Variants in RAB30 observed in about 807,000 individuals in gnomAD.
RAB30 encodes RAB30, member RAS oncogene family.
RAB30 carries 9 observed loss-of-function variants against 25.1 expected under a neutral mutation model. The observed-to-expected ratio is 0.36, with a 90% CI of 0.22 to 0.63. The LOEUF (loss-of-function observed/expected upper bound fraction) is 0.63. RAB30 is among the 20% of genes least tolerant of loss of function. RAB30 has a pLI of 0.69. For synonymous variants in RAB30, 77 were observed against 86.4 expected, an observed-to-expected ratio of 0.89 and a Z score of 0.60; for missense variants, 140 against 243.5, an observed-to-expected ratio of 0.58 and a Z score of 2.83.
At chr11:83,011,150 A>G (rs1455522099) in intron 1 of RAB30, among the ~76,000 whole-genome samples, 1 of 152,266 alleles carries the variant, frequency 6.6e-6, no homozygotes, top group Non-Finnish European at 1.5e-5. Context: ...TATGTACCAT[A>G]GACACATTTT....
intron 1 of RAB30, among the ~76,000 whole-genome samples, chr11:83,016,979 G>A (rs1857452966): frequency 6.6e-6 from 1 of 152,142 alleles, no homozygotes; most frequent in South Asian, 2.1e-4. Flanking sequence ...GGAGGATGGG[G>A]ACATGGAAAA....
At chr11:83,033,108 A>C (rs1857911455) in intron 1 of RAB30, among the ~76,000 whole-genome samples, 1 of 123,124 alleles carries the variant, frequency 8.1e-6, no homozygotes, top group Non-Finnish European at 1.6e-5. Context: ...TCTGTCACTC[A>C]GGCTGGAATG....
Position 82,982,025 on chromosome 11 carries a change from C to A in RAB30, c.*140G>T. On this transcript the variant is annotated 3_prime_UTR_variant, in exon 5 of 5. Transcript: ENST00000527633. ...CTGGCCTGTGGTCGAGGCCCTTGGC[C>A]TGCCATGCTTTGTAAGCTCAGGAGC... is the stretch of plus-strand genomic sequence containing the variant. The A allele has an allele frequency of 1.7e-6, 2 of 1,194,714 alleles. No individual in the cohort carries two copies. The highest frequency in any genetic ancestry group is 1.2e-6 in the Non-Finnish European group (1 of 847,328). The allele number at this position is 1,194,714 out of a possible 1,614,324, so 74.0% of individuals were successfully genotyped here. A position where few individuals can be genotyped will look rare whatever the true frequency, so the allele number is the denominator to read the frequency against.
At chr11:83,040,342 A>C (rs1858079413) in intron 1 of RAB30, among the ~76,000 whole-genome samples, 2 of 152,208 alleles carry the variant, frequency 1.3e-5, no homozygotes, top group Admixed American at 1.3e-4. Flanking sequence ...TAATCCCAGC[A>C]CTTTGGGAGG....
chr11:83,031,532 C>CT (rs71063251), intron 1 of RAB30, among the ~76,000 whole-genome samples: 91,688 of 143,602 alleles, frequency 0.64, 29,668 homozygotes, highest in East Asian at 0.8. Context: ...CTTTTTTTTT[C>CT]TTTTTTTTTT....
chr11:83,030,812 G>T (rs1284901484), intron 1 of RAB30, among the ~76,000 whole-genome samples: 1 of 148,888 alleles, frequency 6.7e-6, no homozygotes, highest in Non-Finnish European at 1.5e-5. Flanking sequence ...AAAAAAAAAA[G>T]TCTCTTTGCA....
intron 3 of RAB30, 137 bp downstream of exon 3, chr11:82,993,902 A>C: frequency 1.5e-6 from 1 of 646,480 alleles, no homozygotes; most frequent in Non-Finnish European, 2.6e-6. Flanking sequence ...AGAACTCTGG[A>C]AATAAGCCAT....
chr11:83,048,190 C>T (rs571448661), intron 1 of RAB30, among the ~76,000 whole-genome samples: 1 of 152,164 alleles, frequency 6.6e-6, no homozygotes, highest in Non-Finnish European at 1.5e-5. Context: ...GATATGCTGG[C>T]CTAGAAGGTT....
intron 1 of RAB30, among the ~76,000 whole-genome samples, chr11:83,047,900 T>C (rs1858267775): frequency 6.6e-6 from 1 of 152,208 alleles, no homozygotes; most frequent in Non-Finnish European, 1.5e-5. Flanking sequence ...GTCATACTGT[T>C]ACGTATAAAT....
intron 1 of RAB30, chr11:83,041,462 AG>A (rs1431490966): frequency 1.8e-5 from 3 of 166,018 alleles, no homozygotes; most frequent in East Asian, 2.2e-4. Context: ...TATATTAGAA[AG>A]GGCTGTCTCC....
intron 1 of RAB30, among the ~76,000 whole-genome samples, chr11:83,053,858 G>C (rs1590877351): frequency 1.3e-5 from 2 of 152,316 alleles, no homozygotes; most frequent in South Asian, 4.1e-4. Context: ...GGGAGGCCAA[G>C]GTGAGTGGAT....
rs951718904 is a variant in RAB30, at chr11:82,978,551, AAAG to A, written c.*3611_*3613del. 26 of 152,032 alleles carry A rather than the reference AAAG, an allele frequency of 1.7e-4. No homozygotes were observed. Among genetic ancestry groups the A allele is most frequent in the African/African-American group, 6.0e-4 (25 of 41,440 alleles). 9.4% of individuals were successfully genotyped at this position (152,032 alleles called of 1,614,324 possible). A position where few individuals can be genotyped will look rare whatever the true frequency, so the allele number is the denominator to read the frequency against. ...TATTTCATTCATGTGGCTTGGCTTAAAAGAAGATGTTTCACTTTAGTAGGAAGA... is the reference window on the plus strand; with the variant it reads ...TATTTCATTCATGTGGCTTGGCTTAAAAGATGTTTCACTTTAGTAGGAAGA... On this transcript the variant is annotated 3_prime_UTR_variant, in exon 5 of 5. Transcript: ENST00000527633.
chr11:82,987,865 T>A (rs2121441936), intron 3 of RAB30, 95 bp from the exon 4 acceptor site: 1 of 403,576 alleles, frequency 2.5e-6, no homozygotes, highest in Non-Finnish European at 3.9e-6. Flanking sequence ...TGAAAATGGG[T>A]ACACCTTTAC....
chr11:83,028,908 G>A (rs1195190986), intron 1 of RAB30, among the ~76,000 whole-genome samples: 1 of 152,124 alleles, frequency 6.6e-6, no homozygotes, highest in Non-Finnish European at 1.5e-5. Context: ...ATGGTGGCAT[G>A]CACCTGTGGT....
chr11:83,005,548 T>A (rs911277987), intron 1 of RAB30, among the ~76,000 whole-genome samples: 1 of 152,202 alleles, frequency 6.6e-6, no homozygotes, highest in African/African-American at 2.4e-5. Context: ...TGGAAAAAAA[T>A]TAAGTTGGAG....
intron 1 of RAB30, among the ~76,000 whole-genome samples, chr11:83,011,518 G>A (rs1172137273): frequency 6.6e-6 from 1 of 152,134 alleles, no homozygotes; most frequent in South Asian, 2.1e-4. Context: ...GTCTATTTCA[G>A]TAGCCATAAG....
rs921468376 is a variant in RAB30 at position 82,977,758 on chromosome 11, C to T, written c.*4407G>A. On this transcript the variant is annotated 3_prime_UTR_variant, in exon 5 of 5. Coordinates refer to ENST00000527633, the MANE Select transcript of RAB30 (RefSeq NM_001286060.2). ...TTCCTTCATCAGACTGGTAATGCCT[C>T]AATTTGTTTTTAATTTCAAAGTATG... 2 of 152,166 alleles carry T rather than the reference C, an allele frequency of 1.3e-5. No homozygotes were observed. The highest frequency in any genetic ancestry group is 4.8e-5 in the African/African-American group (2 of 41,444). 9.4% of individuals were successfully genotyped at this position (152,166 alleles called of 1,614,324 possible).
intron 1 of RAB30, among the ~76,000 whole-genome samples, chr11:83,053,919 G>T (rs917934975): frequency 6.6e-6 from 1 of 152,018 alleles, no homozygotes; most frequent in Non-Finnish European, 1.5e-5. Context: ...ACGAAACCCC[G>T]TCTCTACTAA....
chr11:83,032,273 G>A (rs1184993681), intron 1 of RAB30, among the ~76,000 whole-genome samples: 1 of 152,190 alleles, frequency 6.6e-6, no homozygotes, highest in Non-Finnish European at 1.5e-5. Context: ...CTAGGTTTGT[G>A]CTTGCTTCTT....
Sources: allele counts gnomAD v4.1 joint callset (sites outside exome capture counted in the v4.1 genomes callset), GRCh38; gene constraint gnomAD v4.1.1; transcripts MANE v1.5; gene names NCBI Gene and HGNC (gene_info 2026-07-23, HGNC 2026-07-21).